The following STARD9 variants were observed in gnomAD, a reference collection of about 807,000 sequenced individuals.
The protein encoded by STARD9 is StAR related lipid transfer domain containing 9.
In STARD9, 346 loss-of-function variants were observed where a neutral mutation model predicts 399.8. The ratio of observed to expected loss-of-function variants is 0.87; its 90% CI spans 0.79 to 0.95. STARD9 has a LOEUF of 0.95. Among genes scored for constraint, STARD9 ranks in the 40% least tolerant of loss-of-function variants. STARD9 has a pLI of 0.00. For missense variants in STARD9, 5,832 were observed against 5,667.5 expected (o/e 1.03, Z -0.93); for synonymous variants, 2,203 against 2,143.5 (o/e 1.03, Z -0.77).
chr15:42,626,408 TTCCTCC>T (rs764365243), intron 3 of STARD9, among the ~76,000 whole-genome samples: 1 of 137,174 alleles, frequency 7.3e-6, no homozygotes, highest in South Asian at 2.5e-4. Flanking sequence ...CCTCCTCTTC[TTCCTCC>T]TCCTCCTCCT....
chr15:42,695,711 G>C (rs28448326), intron 25 of STARD9, 32 bp from the exon 26 acceptor site: 4 of 1,528,832 alleles, frequency 2.6e-6, no homozygotes, highest in Non-Finnish European at 3.5e-6. Context: ...GGGTGCATCA[G>C]AAGCTGGTTA....
At chr15:42,651,201 T>C (rs1051565277) in intron 8 of STARD9, 116 bp downstream of exon 8, 5 of 654,928 alleles carry the variant, frequency 7.6e-6, no homozygotes, top group Non-Finnish European at 1.2e-5. Flanking sequence ...TGTAGAGATG[T>C]TCACAACCAG....
At position 42,687,458 on chromosome 15, in the gene STARD9, G is replaced by A; in HGVS notation, c.5880G>A (p.Val1960=). 6.5e-7 allele frequency: 1 copy of A among 1,537,180 alleles called. No homozygotes were observed. Among genetic ancestry groups the A allele is most frequent in the Non-Finnish European group, 8.7e-7 (1 of 1,146,922 alleles). Residue 1960 remains valine (V), a synonymous_variant, in exon 23 of 33, where the codon GTG becomes GTA. Coordinates refer to ENST00000290607, the MANE Select transcript of STARD9 (RefSeq NM_020759.3). ...RSVDRRVSSP[V]MVAQGGGPTP... Reference sequence around the variant, plus strand: ...TAGATCGTAGAGTAAGCAGCCCAGTGATGGTGGCCCAGGGTGGTGGCCCAA... The same window carrying A: ...TAGATCGTAGAGTAAGCAGCCCAGTAATGGTGGCCCAGGGTGGTGGCCCAA...
intron 3 of STARD9, among the ~76,000 whole-genome samples, chr15:42,596,363 C>G (rs1255812192): frequency 2.0e-5 from 3 of 152,230 alleles, no homozygotes; most frequent in African/African-American, 7.2e-5. Context: ...TGGGTTTGTC[C>G]TGGGTTTAAA....
At chr15:42,660,695 G>A (rs947736562) in intron 9 of STARD9, among the ~76,000 whole-genome samples, 10 of 152,052 alleles carry the variant, frequency 6.6e-5, no homozygotes, top group Non-Finnish European at 1.2e-4. Flanking sequence ...GCTGGATGGC[G>A]CTAAATAGAA....
At chr15:42,626,416 CCTCCTCCTCTTCTTCTTCTTCCTT>C (rs2059221941) in intron 3 of STARD9, among the ~76,000 whole-genome samples, 1 of 151,088 alleles carries the variant, frequency 6.6e-6, no homozygotes, top group Non-Finnish European at 1.5e-5. Flanking sequence ...TCTTCCTCCT[CCTCCTCCTCTTCTTCTTCTTCCTT>C]CTCCTCCTCC....
At chr15:42,652,941 G>A (rs1307329446) in intron 9 of STARD9, among the ~76,000 whole-genome samples, 1 of 152,174 alleles carries the variant, frequency 6.6e-6, no homozygotes, top group Non-Finnish European at 1.5e-5. Flanking sequence ...GCCTGCCTAA[G>A]TGCTGGCATT....
intron 1 of STARD9, chr15:42,581,535 CGCCGGGCCGGTCT>C: frequency 7.6e-7 from 1 of 1,310,110 alleles, no homozygotes; most frequent in Non-Finnish European, 1.1e-6. Context: ...TAGGCGGCGG[CGCCGGGCCGGTCT>C]GCTCCAGCTC....
Position 42,719,139 on chromosome 15 carries a change from G to A in STARD9, c.14001+229G>A, listed in dbSNP as rs537574195. 2.6e-5 allele frequency among the ~76,000 whole-genome samples: 4 copies of A among 152,308 alleles called. No homozygotes were observed. The South Asian group carries it at 6.2e-4, about 24-fold the overall frequency. On this transcript the variant is annotated intron_variant, in intron 32 of 32. Transcript: ENST00000290607. ...AATCTTTTCTGAAGCTGCTGTTACCGAAAACCTAGTGACCTGCATCCTGTG... is the reference window on the plus strand; with the variant it reads ...AATCTTTTCTGAAGCTGCTGTTACCAAAAACCTAGTGACCTGCATCCTGTG...
chr15:42,684,704 A>G lies in STARD9; in HGVS notation c.3126A>G (p.Lys1042=). Residue 1042 remains lysine, a synonymous_variant, in exon 23 of 33, where the codon AAA becomes AAG. Coordinates refer to ENST00000290607, the MANE Select transcript of STARD9 (RefSeq NM_020759.3). The part of the protein sequence containing the change: ...YKPPSPSRAS[K]RHQRVLATRV... ...CACCTTCTCCAAGCAGGGCATCAAAAAGGCATCAGAGGGTTCTGGCAACTA... is the reference window on the plus strand; with the variant it reads ...CACCTTCTCCAAGCAGGGCATCAAAGAGGCATCAGAGGGTTCTGGCAACTA... 1 of 1,537,166 alleles carries G rather than the reference A, an allele frequency of 6.5e-7. No individual in the cohort carries two copies. The highest frequency in any genetic ancestry group is 1.2e-5 in the South Asian group (1 of 84,064).
At chr15:42,660,076 ATAAT>A (rs1431979271) in intron 9 of STARD9, among the ~76,000 whole-genome samples, 2 of 152,220 alleles carry the variant, frequency 1.3e-5, no homozygotes, top group Non-Finnish European at 2.9e-5. Flanking sequence ...AAATCTCAAA[ATAAT>A]TATGTACAGT....
intron 16 of STARD9, 161 bp downstream of exon 16, chr15:42,669,498 T>C: frequency 1.7e-6 from 1 of 575,836 alleles, no homozygotes; most frequent in African/African-American, 1.8e-5. Context: ...CCTGACAAAT[T>C]GTGATCTGTT....
rs758570571 is a variant in STARD9, at chr15:42,588,776, G to GT, written c.234+3178dup. 7.8e-5 allele frequency among the ~76,000 whole-genome samples: 3 copies of GT among 38,414 alleles called. 1 individual carries two copies. Among genetic ancestry groups the GT allele is most frequent in the African/African-American group, 3.5e-4 (3 of 8,456 alleles). 25.2% of individuals were successfully genotyped at this position (38,414 alleles called of 152,430 possible). A position where few individuals can be genotyped will look rare whatever the true frequency, so the allele number is the denominator to read the frequency against. The stretch of plus-strand genomic sequence containing the variant: ...TAACCCAGTTTATCCTCTTCACAGC[G>GT]TTTTTTTTTTTTTTTTTTTTTTTTT... On this transcript the variant is annotated intron_variant, in intron 3 of 32. Transcript: ENST00000290607.
chr15:42,654,558 G>T (rs185759341), intron 9 of STARD9, among the ~76,000 whole-genome samples: 199 of 152,184 alleles, frequency 1.3e-3, no homozygotes, highest in African/African-American at 4.7e-3. Context: ...AGAGCTCCTG[G>T]AACTGGTAAA....
chr15:42,701,366 C>T (rs1398080777), intron 26 of STARD9, among the ~76,000 whole-genome samples: 1 of 152,156 alleles, frequency 6.6e-6, no homozygotes, highest in East Asian at 1.9e-4. Flanking sequence ...TTCTTCCAAT[C>T]CATGAACATG....
intron 1 of STARD9, chr15:42,581,595 C>T (rs73406561): frequency 2.7e-6 from 2 of 751,184 alleles, no homozygotes; most frequent in Non-Finnish European, 4.4e-6. Flanking sequence ...GCGCACTCCT[C>T]GCTCGCTTCC....
chr15:42,612,334 A>G (rs1403001575), intron 3 of STARD9, among the ~76,000 whole-genome samples: 1 of 152,174 alleles, frequency 6.6e-6, no homozygotes, highest in East Asian at 1.9e-4. Flanking sequence ...ACCTAAGAAC[A>G]TGAGTCTTAG....
chr15:42,663,285 G>C lies in STARD9; in HGVS notation c.873G>C (p.Gln291His). 5 of 1,530,546 alleles carry C rather than the reference G, an allele frequency of 3.3e-6. No individual in the cohort carries two copies. The highest frequency in any genetic ancestry group is 4.4e-6 in the Non-Finnish European group (5 of 1,141,736). The allele number at this position is 1,530,546 out of a possible 1,614,324, so 94.8% of individuals were successfully genotyped here. Reference protein sequence around the residue: ...TLGIVISTLAQNSQVFSSCQS... With the variant: ...TLGIVISTLAHNSQVFSSCQS... Reference sequence around the variant, plus strand: ...TTTCTTTTTTCATCTTTTAAGCCCAGAACTCCCAAGTTTTCAGCAGCTGCC... The same window carrying C: ...TTTCTTTTTTCATCTTTTAAGCCCACAACTCCCAAGTTTTCAGCAGCTGCC... The change falls in exon 12 of 33, where the codon CAG becomes CAC. Residue 291 changes from glutamine (Q) to histidine (H), a missense_variant. Gln to His is a conservative substitution (Grantham distance 24). This residue lies in a region of STARD9 where 5,828 missense variants were observed against 5,651.1 expected (regional missense o/e 1.03). Coordinates refer to ENST00000290607, the MANE Select transcript of STARD9 (RefSeq NM_020759.3).
intron 3 of STARD9, among the ~76,000 whole-genome samples, chr15:42,606,257 A>T (rs1354845974): frequency 6.6e-6 from 1 of 152,204 alleles, no homozygotes; most frequent in African/African-American, 2.4e-5. Context: ...GTCTCACCAC[A>T]TCCTGCTACC....
Sources: gnomAD v4.1 joint callset for allele counts (sites outside exome capture counted in the v4.1 genomes callset) on GRCh38, gnomAD v4.1.1 for gene constraint, gnomAD v4.1.1 regional missense constraint, MANE v1.5 for transcripts, NCBI Gene and HGNC (gene_info 2026-07-23, HGNC 2026-07-21) for gene names.